The following PRKG1 variants were observed in gnomAD, a reference collection of about 807,000 sequenced individuals.
PRKG1 encodes the protein protein kinase cGMP-dependent 1.
A neutral mutation model predicts 88.1 loss-of-function variants in PRKG1; 35 were observed. The observed-to-expected ratio is 0.40, with a 90% CI of 0.30 to 0.53. PRKG1 has a LOEUF of 0.53. PRKG1 is among the 20% of genes least tolerant of loss of function. The probability of loss-of-function intolerance (pLI) is 0.59; values close to 1 mark genes in which losing one functional copy is unlikely to be tolerated. For synonymous variants in PRKG1, 303 were observed against 292.5 expected (o/e 1.04, Z -0.37); for missense variants, 540 against 839.8 (o/e 0.64, Z 4.41).
At chr10:51,516,232 A>G (rs1841578745) in intron 3 of PRKG1, among the ~76,000 whole-genome samples, 1 of 152,108 alleles carries the variant, frequency 6.6e-6, no homozygotes, top group Non-Finnish European at 1.5e-5. Flanking sequence ...TCTCCCCTGA[A>G]GTCAAGCCAC....
At chr10:51,588,736 T>C (rs1838233795) in intron 3 of PRKG1, among the ~76,000 whole-genome samples, 1 of 152,210 alleles carries the variant, frequency 6.6e-6, no homozygotes, top group South Asian at 2.1e-4. Context: ...AGTGATCCCG[T>C]TGGTTATTAA....
intron 2 of PRKG1, among the ~76,000 whole-genome samples, chr10:51,376,104 G>A (rs978420072): frequency 7.2e-5 from 11 of 152,174 alleles, no homozygotes; most frequent in African/African-American, 2.4e-4. Flanking sequence ...ATTAAGCTGA[G>A]TGATGCCTTG....
chr10:51,662,215 C>G (rs1840317340), intron 3 of PRKG1, among the ~76,000 whole-genome samples: 1 of 151,878 alleles, frequency 6.6e-6, no homozygotes, highest in Non-Finnish European at 1.5e-5. Context: ...ACCCTAGAAC[C>G]TAAAGTATAC....
chr10:51,714,070 C>T (rs1372418349), intron 3 of PRKG1, among the ~76,000 whole-genome samples: 1 of 152,126 alleles, frequency 6.6e-6, no homozygotes, highest in African/African-American at 2.4e-5. Flanking sequence ...AGCTCCGCCT[C>T]CCAGGTTTGC....
At chr10:51,990,410 T>C (rs1005856937) in intron 5 of PRKG1, among the ~76,000 whole-genome samples, 6 of 152,142 alleles carry the variant, frequency 3.9e-5, no homozygotes, top group Admixed American at 1.3e-4. Flanking sequence ...AATCTGTAGA[T>C]AGCTTTGAGG....
intron 2 of PRKG1, among the ~76,000 whole-genome samples, chr10:51,287,116 G>T (rs183670592): frequency 9.9e-5 from 15 of 152,184 alleles, no homozygotes; most frequent in African/African-American, 3.4e-4. Context: ...GTCTCAAGTG[G>T]TCTTCCTACC....
intron 4 of PRKG1, among the ~76,000 whole-genome samples, chr10:51,875,890 T>C (rs1841286311): frequency 1.3e-5 from 2 of 152,100 alleles, no homozygotes; most frequent in Non-Finnish European, 2.9e-5. Context: ...GTAAGTGTTA[T>C]CTAGAGAGTT....
intron 9 of PRKG1, among the ~76,000 whole-genome samples, chr10:52,177,927 T>C (rs1327171745): frequency 6.6e-6 from 1 of 151,690 alleles, no homozygotes; most frequent in Non-Finnish European, 1.5e-5. Context: ...TTGCATATCT[T>C]TTCAAAAAAA....
chr10:52,147,049 G>A (rs1837747825), intron 8 of PRKG1, among the ~76,000 whole-genome samples: 1 of 152,132 alleles, frequency 6.6e-6, no homozygotes, highest in African/African-American at 2.4e-5. Context: ...GACAGAATCT[G>A]GAAGATTGTT....
chr10:51,908,186 G>A (rs1428626696), intron 5 of PRKG1: 1 of 152,156 alleles, frequency 6.6e-6, no homozygotes, highest in Non-Finnish European at 1.5e-5. Context: ...TCTCCTAAAG[G>A]TATTGGGCAT....
chr10:51,787,901 A>G (rs1040772179), intron 3 of PRKG1, among the ~76,000 whole-genome samples: 1 of 152,186 alleles, frequency 6.6e-6, no homozygotes, highest in Non-Finnish European at 1.5e-5. Context: ...TGACACAAAG[A>G]GAAACATACT....
At chr10:51,536,871 A>T (rs566704719) in intron 3 of PRKG1, among the ~76,000 whole-genome samples, 1 of 138,852 alleles carries the variant, frequency 7.2e-6, no homozygotes, top group African/African-American at 2.7e-5. Flanking sequence ...TCATTGTTCA[A>T]TTCCCATCTA....
chr10:51,571,951 TGA>T (rs1375370733), intron 3 of PRKG1, among the ~76,000 whole-genome samples: 2 of 151,430 alleles, frequency 1.3e-5, no homozygotes, highest in African/African-American at 4.8e-5. Context: ...CGAAATATTG[TGA>T]GAGTGGAGAG....
At chr10:51,152,828 TTAAAG>T (rs1846107229) in intron 1 of PRKG1, among the ~76,000 whole-genome samples, 1 of 151,984 alleles carries the variant, frequency 6.6e-6, no homozygotes, top group African/African-American at 2.4e-5. Flanking sequence ...ATTACAAACT[TTAAAG>T]TATGTATCCA....
At chr10:52,016,978 A>C (rs1845056513) in intron 5 of PRKG1, among the ~76,000 whole-genome samples, 3 of 152,136 alleles carry the variant, frequency 2.0e-5, no homozygotes, top group Admixed American at 6.5e-5. Flanking sequence ...CCAGGTGACA[A>C]ATTTGGAGAG....
intron 1 of PRKG1, among the ~76,000 whole-genome samples, chr10:51,053,256 A>AG (rs1473083303): frequency 1.4e-5 from 2 of 147,922 alleles, no homozygotes; most frequent in Non-Finnish European, 3.0e-5. Context: ...TAAAAACTAA[A>AG]AAAAAAAACC....
At chr10:51,731,680 G>GA (rs1253936672) in intron 3 of PRKG1, among the ~76,000 whole-genome samples, 2 of 152,194 alleles carry the variant, frequency 1.3e-5, no homozygotes, top group African/African-American at 4.8e-5. Context: ...ATGTGCATCA[G>GA]AAAATTGAAT....
chr10:52,108,363 A>G (rs747049868), intron 7 of PRKG1, among the ~76,000 whole-genome samples: 3 of 152,222 alleles, frequency 2.0e-5, no homozygotes, highest in Non-Finnish European at 4.4e-5. Context: ...ATTCATGTCT[A>G]CATGTTTTTT....
chr10:51,481,403 A>G (rs1840354505), intron 3 of PRKG1, among the ~76,000 whole-genome samples: 1 of 152,060 alleles, frequency 6.6e-6, no homozygotes, highest in Non-Finnish European at 1.5e-5. Flanking sequence ...GCCCACCACC[A>G]TGCCCAGCTA....
Sources: allele counts gnomAD v4.1 joint callset (sites outside exome capture counted in the v4.1 genomes callset), GRCh38; gene constraint gnomAD v4.1.1; transcripts MANE v1.5; gene names NCBI Gene and HGNC (gene_info 2026-07-23, HGNC 2026-07-21).